The following USP9Y variants were observed in gnomAD, a reference collection of about 807,000 sequenced individuals.
USP9Y encodes the protein ubiquitin carboxyl-terminal hydrolase 9Y.
Under a neutral mutation model 53.1 loss-of-function variants are expected in USP9Y, and 41 were observed. That is an observed-to-expected ratio of 0.77 (90% CI 0.60 to 1.00). The LOEUF is 1.00. Ranked by LOEUF, USP9Y falls within the 50% of genes least tolerant of loss-of-function variation. USP9Y has a pLI of 0.00. For missense variants in USP9Y, 567 were observed against 535.8 expected (o/e 1.06, Z -0.58); for synonymous variants, 220 against 173.7 (o/e 1.27, Z -2.09).
chrY:12,752,756 G>C (rs781289532), intron 12 of USP9Y, among the ~76,000 whole-genome samples: 12 of 33,315 alleles, frequency 3.6e-4, no homozygotes, highest in African/African-American at 1.4e-3. Context: ...AGTTACGGCA[G>C]GAGGATTGCC....
intron 15 of USP9Y, among the ~76,000 whole-genome samples, chrY:12,761,429 G>GT (rs2053475237): frequency 2.9e-5 from 1 of 33,963 alleles, no homozygotes; most frequent in Non-Finnish European, 7.3e-5. Context: ...ACTGTTTCTT[G>GT]TATTATACTT....
intron 33 of USP9Y, among the ~76,000 whole-genome samples, chrY:12,829,144 A>G: frequency 5.9e-5 from 2 of 33,654 alleles, no homozygotes; most frequent in Non-Finnish European, 1.5e-4. Context: ...AATTATTAGC[A>G]TGAAAGGAAA....
chrY:12,778,146 C>T lies in USP9Y; in HGVS notation c.2767C>T (p.Arg923Cys). 2 of 397,555 alleles carry T rather than the reference C, an allele frequency of 5.0e-6. No homozygotes were observed. The highest frequency in any genetic ancestry group is 7.1e-6 in the Non-Finnish European group (2 of 283,017). Residue 923 changes from arginine to cysteine, a missense_variant, in exon 20 of 46, where the codon CGT becomes TGT. Coordinates refer to ENST00000338981, the MANE Select transcript of USP9Y (RefSeq NM_004654.4). ...TTCAGTACGGCGATGTATTGTTAAT[C>T]GTATTAAAGCCAATGTAGCCCACAA... ...IGSVRRCIVN[R>C]IKANVAHKKI...
intron 27 of USP9Y, among the ~76,000 whole-genome samples, chrY:12,805,707 T>C (rs977911153): frequency 3.0e-5 from 1 of 33,634 alleles, no homozygotes; most frequent in Non-Finnish European, 7.4e-5. Flanking sequence ...CCAAGTCTTC[T>C]TTTGAAAGCT....
chrY:12,819,821 G>T (rs2053539355), intron 33 of USP9Y, among the ~76,000 whole-genome samples: 1 of 31,064 alleles, frequency 3.2e-5, no homozygotes, highest in Admixed American at 3.0e-4. Context: ...ATAAAATTTG[G>T]CCTCTTTTTA....
rs781075619 is a variant in USP9Y, at chrY:12,773,845, C to G, written c.2251C>G (p.Arg751Gly). The change falls in exon 17 of 46, where the codon CGA becomes GGA. Residue 751 changes from arginine (R) to glycine (G), a missense_variant. Physicochemically the swap from Arg to Gly is moderately radical, Grantham distance 125. Coordinates refer to ENST00000338981, the MANE Select transcript of USP9Y (RefSeq NM_004654.4). Reference protein sequence around the residue: ...FERFFKAVNCRERKLIAKRRS... With the variant: ...FERFFKAVNCGERKLIAKRRS... ...AAGATTTTTCAAAGCTGTCAATTGT[C>G]GAGAAAGGAAACTAATAGCAAAAAG... The G allele has an allele frequency of 2.5e-6, 1 of 397,480 alleles. No homozygotes were observed. Among genetic ancestry groups the G allele is most frequent in the Admixed American group, 7.5e-5 (1 of 13,393 alleles).
rs367616638 is a variant in USP9Y, at chrY:12,783,674, C to G, written c.3152-2529C>G. Among the ~76,000 whole-genome samples, 7 of 33,141 alleles carry G rather than the reference C, an allele frequency of 2.1e-4. No homozygotes were observed. In the East Asian group the frequency reaches 5.5e-3, roughly 26 times the overall value. The allele number at this position is 33,141 out of a possible 37,273, so 88.9% of individuals were successfully genotyped here. ...CTGATAGACTTGGATGCAGGGTTAC[C>G]ATAAGCCTTCAATTTGTATAAAACA... On this transcript the variant is annotated intron_variant, in intron 22 of 45. Transcript: ENST00000338981.
intron 33 of USP9Y, among the ~76,000 whole-genome samples, chrY:12,824,170 G>C (rs2053544178): frequency 6.1e-5 from 2 of 32,777 alleles, no homozygotes; most frequent in South Asian, 6.6e-4. Context: ...AATGGAAGTG[G>C]TAAAATATTA....
intron 27 of USP9Y, among the ~76,000 whole-genome samples, chrY:12,801,276 A>G (rs2053519155): frequency 3.0e-5 from 1 of 33,848 alleles, no homozygotes; most frequent in African/African-American, 1.2e-4. Flanking sequence ...ATATTGCACA[A>G]GAAGTTTTAT....
Position 12,735,658 on chromosome Y carries a change from T to A in USP9Y, c.704T>A (p.Phe235Tyr). ...LINKFGTLNG[F>Y]QILHDRFFNG... ...AATAAATTTGGCACATTAAATGGGT[T>A]CCAGATTTTGCATGATCGTTTTTTT... is the stretch of plus-strand genomic sequence containing the variant. The change falls in exon 8 of 46, where the codon TTC becomes TAC. Residue 235 changes from phenylalanine (F) to tyrosine (Y), a missense_variant. Transcript: ENST00000338981. 1 of 397,016 alleles carries A rather than the reference T, an allele frequency of 2.5e-6. No homozygotes were observed. The highest frequency in any genetic ancestry group is 3.5e-6 in the Non-Finnish European group (1 of 282,435).
At chrY:12,842,848 T>TTTTG (rs2053563370) in intron 38 of USP9Y, among the ~76,000 whole-genome samples, 2 of 33,138 alleles carry the variant, frequency 6.0e-5, no homozygotes, top group African/African-American at 1.2e-4. Flanking sequence ...TGCCAGGGCT[T>TTTTG]TTTGTTTGTT....
Position 12,842,450 on chromosome Y carries a change from A to C in USP9Y, c.6423A>C (p.Pro2141=). The change falls in exon 38 of 46, where the codon CCA becomes CCC. Residue 2141 remains proline, a synonymous_variant. Transcript: ENST00000338981. ...CTTGTCCTTCTCCTTTTGCATCTCC[A>C]GGACCTTCTAGTCAGGTAATTGCAT... The part of the protein sequence containing the change: ...DGSCPSPFAS[P]GPSSQACDNL... The C allele has an allele frequency of 2.5e-6, 1 of 393,302 alleles. No individual in the cohort carries two copies. The highest frequency in any genetic ancestry group is 3.6e-6 in the Non-Finnish European group (1 of 279,934).
chrY:12,715,031 T>C (rs2053429353), intron 3 of USP9Y, among the ~76,000 whole-genome samples: 2 of 31,354 alleles, frequency 6.4e-5, no homozygotes, highest in African/African-American at 1.3e-4. Context: ...TGGAACATGA[T>C]GGGTATAGGG....
intron 14 of USP9Y, among the ~76,000 whole-genome samples, chrY:12,759,312 T>C (rs2053472684): frequency 6.0e-5 from 2 of 33,514 alleles, no homozygotes; most frequent in African/African-American, 2.3e-4. Flanking sequence ...AAAAATAACA[T>C]GGAGAAACCT....
At chrY:12,789,831 GT>G (rs2053505884) in intron 24 of USP9Y, among the ~76,000 whole-genome samples, 1 of 32,361 alleles carries the variant, frequency 3.1e-5, no homozygotes, top group Non-Finnish European at 7.5e-5. Context: ...GGTATCCTCA[GT>G]TTTCTCCATT....
chrY:12,792,083 A>G, intron 26 of USP9Y, among the ~76,000 whole-genome samples: 1 of 33,877 alleles, frequency 3.0e-5, no homozygotes, highest in East Asian at 7.9e-4. Context: ...CAGCCTGGTC[A>G]ACATGGTGAA....
intron 33 of USP9Y, among the ~76,000 whole-genome samples, chrY:12,822,575 G>C: frequency 3.0e-5 from 1 of 32,826 alleles, no homozygotes; most frequent in African/African-American, 1.2e-4. Context: ...ACATTGGCCA[G>C]GCTGGTCTTG....
chrY:12,761,622 A>G, intron 15 of USP9Y, among the ~76,000 whole-genome samples: 1 of 32,992 alleles, frequency 3.0e-5, no homozygotes, highest in East Asian at 8.0e-4. Flanking sequence ...CTGCGTCCCA[A>G]ATCAACCACT....
intron 29 of USP9Y, 25 bp from the exon 30 acceptor site, chrY:12,811,610 G>A: frequency 5.1e-6 from 2 of 395,622 alleles, no homozygotes; most frequent in Non-Finnish European, 3.6e-6. Context: ...TGTGAGTTGG[G>A]CCTATAATAT....
Sources: gnomAD v4.1 joint callset for allele counts (sites outside exome capture counted in the v4.1 genomes callset) on GRCh38, gnomAD v4.1.1 for gene constraint, MANE v1.5 for transcripts, NCBI Gene and HGNC (gene_info 2026-07-23, HGNC 2026-07-21) for gene names.